Variants in CYB5R4 observed in about 807,000 individuals in gnomAD.
The protein encoded by CYB5R4 is N-terminal cytochrome b5 and cytochrome b5 oxidoreductase domain-containing protein.
Under a neutral mutation model 70.2 loss-of-function variants are expected in CYB5R4, and 55 were observed. The observed-to-expected ratio is 0.78, with a 90% CI of 0.63 to 0.98. CYB5R4 has a LOEUF of 0.98. Ranked by LOEUF, CYB5R4 falls within the 50% of genes least tolerant of loss-of-function variation. The pLI is 0.00. For missense variants in CYB5R4, 562 were observed against 612.6 expected, an observed-to-expected ratio of 0.92 and a Z score of 0.87; for synonymous variants, 197 against 199.5, an observed-to-expected ratio of 0.99 and a Z score of 0.11.
intron 3 of CYB5R4, among the ~76,000 whole-genome samples, chr6:83,898,423 C>G (rs1446086505): frequency 6.6e-6 from 1 of 152,106 alleles, no homozygotes; most frequent in East Asian, 1.9e-4. Context: ...GTTCTTTTGG[C>G]TTAGGATTGA....
intron 7 of CYB5R4, 147 bp downstream of exon 7, chr6:83,919,601 A>G (rs1478311206): frequency 1.2e-5 from 5 of 401,870 alleles, no homozygotes; most frequent in African/African-American, 2.1e-5. Flanking sequence ...TGTACAGAAG[A>G]GGAAACAAAG....
chr6:83,919,475 A>G (rs768354538), intron 7 of CYB5R4, 21 bp downstream of exon 7: 17 of 1,260,938 alleles, frequency 1.3e-5, no homozygotes, highest in South Asian at 4.3e-5. Flanking sequence ...CTTTAAAATC[A>G]GAAAAGAAGA....
At chr6:83,934,764 A>T (rs1404371732) in intron 11 of CYB5R4, 29 bp downstream of exon 11, 3 of 1,587,220 alleles carry the variant, frequency 1.9e-6, no homozygotes, top group South Asian at 2.3e-5. Flanking sequence ...TTGGGACACA[A>T]TTTATTCTTT....
At chr6:83,885,408 T>C (rs2099460097) in intron 2 of CYB5R4, among the ~76,000 whole-genome samples, 1 of 152,220 alleles carries the variant, frequency 6.6e-6, no homozygotes, top group Non-Finnish European at 1.5e-5. Flanking sequence ...TGAGACTCTC[T>C]GACTTTCAGA....
chr6:83,953,238 A>G (rs889756308), intron 14 of CYB5R4, among the ~76,000 whole-genome samples: 6 of 152,136 alleles, frequency 3.9e-5, no homozygotes, highest in Admixed American at 3.9e-4. Context: ...TTTTTAACCC[A>G]GTATGTCACA....
Position 83,919,435 on chromosome 6 carries a change from C to T in CYB5R4, c.545C>T (p.Ala182Val), listed in dbSNP as rs1038345588. 3 of 1,509,104 alleles carry T rather than the reference C, an allele frequency of 2.0e-6. No individual in the cohort carries two copies. Among genetic ancestry groups the T allele is most frequent in the African/African-American group, 2.8e-5 (2 of 70,986 alleles). 93.5% of individuals were successfully genotyped at this position (1,509,104 alleles called of 1,614,324 possible). A position where few individuals can be genotyped will look rare whatever the true frequency, so the allele number is the denominator to read the frequency against. Residue 182 changes from alanine to valine, a missense_variant, in exon 7 of 16, where the codon GCC (alanine) becomes GTC (valine). By Grantham distance (64) the Ala-to-Val change is moderately conservative (BLOSUM62 0). Coordinates refer to ENST00000369681, the MANE Select transcript of CYB5R4 (RefSeq NM_016230.4). The part of the protein sequence containing the change: ...WFQTDSLVTI[A>V]IYTKQKDINL... ...CAAACAGACTCTTTAGTCACCATTG[C>T]CATATATACTAAACAGAAGGTAAAT...
Position 83,967,031 on chromosome 6 carries a change from C to T in CYB5R4, c.*7153C>T, listed in dbSNP as rs1239246335. The T allele has an allele frequency of 3.3e-5, 5 of 152,166 alleles. No homozygotes were observed. Among genetic ancestry groups the T allele is most frequent in the Non-Finnish European group, 7.4e-5 (5 of 68,024 alleles). 9.4% of individuals were successfully genotyped at this position (152,166 alleles called of 1,614,324 possible). Reference sequence around the variant, plus strand: ...AGATCATCACCAGACTTTTCAACAGCATTGCCTTATGCTTTAAGAAAGTGT... The same window carrying T: ...AGATCATCACCAGACTTTTCAACAGTATTGCCTTATGCTTTAAGAAAGTGT... On this transcript the variant is annotated 3_prime_UTR_variant, in exon 16 of 16. Coordinates refer to ENST00000369681, the MANE Select transcript of CYB5R4 (RefSeq NM_016230.4).
intron 15 of CYB5R4, among the ~76,000 whole-genome samples, chr6:83,956,714 C>T (rs1396807886): frequency 6.6e-6 from 1 of 152,076 alleles, no homozygotes; most frequent in Non-Finnish European, 1.5e-5. Context: ...AGGGCCATTT[C>T]AAGACATGGC....
chr6:83,914,350 T>C, intron 4 of CYB5R4, 66 bp from the exon 5 acceptor site: 1 of 1,454,446 alleles, frequency 6.9e-7, no homozygotes, highest in Non-Finnish European at 9.3e-7. Context: ...ATCAGTAATG[T>C]GGACTGACAT....
intron 11 of CYB5R4, 69 bp downstream of exon 11, chr6:83,934,804 C>G: frequency 7.6e-7 from 1 of 1,323,362 alleles, no homozygotes; most frequent in Non-Finnish European, 1.0e-6. Context: ...GTACTATTCT[C>G]TCTAGAAAAC....
intron 3 of CYB5R4, among the ~76,000 whole-genome samples, chr6:83,901,073 A>C (rs9449721): frequency 5.3e-5 from 8 of 152,236 alleles, no homozygotes; most frequent in Non-Finnish European, 1.0e-4. Context: ...GGTCTTTACA[A>C]TTTGGCATGT....
intron 6 of CYB5R4, 79 bp downstream of exon 6, chr6:83,918,144 C>A: frequency 9.1e-7 from 1 of 1,095,688 alleles, no homozygotes; most frequent in Middle Eastern, 2.7e-4. Flanking sequence ...TAAAGTAGCT[C>A]TGGGTTTGAT....
chr6:83,920,410 G>A (rs972208085), intron 7 of CYB5R4, among the ~76,000 whole-genome samples: 1 of 152,046 alleles, frequency 6.6e-6, no homozygotes, highest in African/African-American at 2.4e-5. Context: ...TCTTGATATT[G>A]TCTCTTCATC....
rs1042986926 is a variant in CYB5R4, at chr6:83,958,209, C to A, written c.1512-1615C>A. ...TATCATTACTTGGCCAATAATGGTT[C>A]TTTATCCATTAAATATGTACTTTAT... On this transcript the variant is annotated intron_variant, in intron 15 of 15. Transcript: ENST00000369681. Among the ~76,000 whole-genome samples, 76 of 152,142 alleles carry A rather than the reference C, an allele frequency of 5.0e-4. 2 individuals carry two copies.
intron 10 of CYB5R4, among the ~76,000 whole-genome samples, chr6:83,933,722 T>C (rs964580140): frequency 5.3e-5 from 8 of 152,202 alleles, no homozygotes; most frequent in African/African-American, 1.7e-4. Context: ...ATCCAAATGG[T>C]ATTATTTGCT....
At chr6:83,893,460 T>C in intron 2 of CYB5R4, 62 bp from the exon 3 acceptor site, 1 of 942,056 alleles carries the variant, frequency 1.1e-6, no homozygotes, top group South Asian at 1.5e-5. Context: ...AACTTATATT[T>C]ATAAGTTTTA....
In CYB5R4 at chr6:83,961,862, TTA is replaced by T. The variant is rs1264716891; in HGVS notation, c.*1986_*1987del. 1 of 151,636 alleles carries T rather than the reference TTA, an allele frequency of 6.6e-6. No homozygotes were observed. Among genetic ancestry groups the T allele is most frequent in the Non-Finnish European group, 1.5e-5 (1 of 67,902 alleles). The allele number at this position is 151,636 out of a possible 1,614,324, so 9.4% of individuals were successfully genotyped here. ...ATGTAATGCTTCCTCATTCCTCCTT[TTA>T]TGTTTTATATTTTTGTTTATATTTT... On this transcript the variant is annotated 3_prime_UTR_variant, in exon 16 of 16. Coordinates refer to ENST00000369681, the MANE Select transcript of CYB5R4 (RefSeq NM_016230.4).
intron 14 of CYB5R4, among the ~76,000 whole-genome samples, chr6:83,941,522 C>T (rs1057389826): frequency 6.6e-6 from 1 of 152,004 alleles, no homozygotes; most frequent in Admixed American, 6.6e-5. Context: ...AAGAGTAAAG[C>T]CCTTAGAACT....
intron 2 of CYB5R4, among the ~76,000 whole-genome samples, chr6:83,868,681 CCTCT>C (rs1196312254): frequency 6.6e-6 from 1 of 152,000 alleles, no homozygotes; most frequent in Non-Finnish European, 1.5e-5. Flanking sequence ...CTTGTTTCTC[CCTCT>C]CTTTCTCAAG....
Sources: allele counts gnomAD v4.1 joint callset (sites outside exome capture counted in the v4.1 genomes callset), GRCh38; gene constraint gnomAD v4.1.1; transcripts MANE v1.5; gene names NCBI Gene and HGNC (gene_info 2026-07-23, HGNC 2026-07-21).